Variants in FAM234A observed in about 807,000 individuals in gnomAD.
The protein encoded by FAM234A is family with sequence similarity 234 member A, also known as protein FAM234A.
In FAM234A, 42 loss-of-function variants were observed where a neutral mutation model predicts 49.1. The observed-to-expected ratio is 0.86, with a 90% confidence interval of 0.67 to 1.11. The LOEUF is 1.11. Ranked by LOEUF, FAM234A falls within the 50% of genes least tolerant of loss-of-function variation. FAM234A has a pLI of 0.00. For missense variants in FAM234A, 815 were observed against 745.2 expected (o/e 1.09, Z -1.09); for synonymous variants, 369 against 316.2 (o/e 1.17, Z -1.77).
intron 1 of FAM234A, among the ~76,000 whole-genome samples, chr16:249,078 T>A (rs1442250497): frequency 6.6e-6 from 1 of 152,018 alleles, no homozygotes; most frequent in Non-Finnish European, 1.5e-5. Context: ...GAGGTCTGCA[T>A]TTGGATTGAC....
chr16:235,595 G>T (rs2050372198), intron 1 of FAM234A, among the ~76,000 whole-genome samples: 1 of 152,198 alleles, frequency 6.6e-6, no homozygotes. Flanking sequence ...GATTCCAGCT[G>T]AGGAGGCTGT....
At chr16:244,146 C>T (rs1026096897) in intron 1 of FAM234A, among the ~76,000 whole-genome samples, 29 of 151,880 alleles carry the variant, frequency 1.9e-4, no homozygotes, top group African/African-American at 4.8e-4. Flanking sequence ...TTTTTTCTAT[C>T]TTTAGTAGAG....
downstream of FAM234A, chr16:269,540 G>C (rs748491669): frequency 3.1e-6 from 5 of 1,613,446 alleles, no homozygotes; most frequent in Admixed American, 8.3e-5. Flanking sequence ...GCCTCTGCCA[G>C]GAGGGCCTTG....
At chr16:264,473 A>C in intron 11 of FAM234A, 141 bp from the exon 12 acceptor site, 1 of 723,466 alleles carries the variant, frequency 1.4e-6, no homozygotes, top group South Asian at 1.8e-5. Context: ...GGAGGTGGCC[A>C]CAGAACTGGG....
chr16:261,065 T>G, intron 5 of FAM234A: 1 of 281,506 alleles, frequency 3.6e-6, no homozygotes, highest in Non-Finnish European at 7.0e-6. Context: ...GCCCTAGAGG[T>G]TCCAGGACAC....
At chr16:253,859 C>T (rs530411950) in intron 2 of FAM234A, 1 of 157,154 alleles carries the variant, frequency 6.4e-6, no homozygotes, top group East Asian at 1.9e-4. Flanking sequence ...ACAGTTCAGT[C>T]AAAGCACATG....
downstream of FAM234A, among the ~76,000 whole-genome samples, chr16:267,500 C>T (rs1015134106): frequency 6.6e-6 from 1 of 152,154 alleles, no homozygotes; most frequent in African/African-American, 2.4e-5. Context: ...GCAATGTGCA[C>T]CACACATGCA....
In FAM234A at chr16:263,477, G is replaced by T. The variant is rs940584279; in HGVS notation, c.1112+75G>T. Reference sequence around the variant, plus strand: ...TCCCGGGCACATCCCGTTGGCTGGCGAGGAGACAGCGCTGGGGGTGGGGCC... The same window carrying T: ...TCCCGGGCACATCCCGTTGGCTGGCTAGGAGACAGCGCTGGGGGTGGGGCC... On this transcript the variant is annotated intron_variant, in intron 9 of 12. Transcript: ENST00000399932. 4 of 1,571,530 alleles carry T rather than the reference G, an allele frequency of 2.5e-6. No individual in the cohort carries two copies. In the African/African-American group the frequency reaches 5.4e-5, roughly 21 times the overall value.
intron 1 of FAM234A, among the ~76,000 whole-genome samples, chr16:236,095 G>A (rs1210170532): frequency 5.3e-5 from 8 of 152,062 alleles, no homozygotes; most frequent in Admixed American, 3.3e-4. Context: ...TGTGATTACA[G>A]GTGCCCGCCA....
At chr16:268,964 G>C (rs2051793134), downstream of FAM234A, 1 of 1,547,024 alleles carries the variant, frequency 6.5e-7, no homozygotes, top group South Asian at 1.2e-5. Flanking sequence ...GAAGACCAGA[G>C]AAGGTGGAGC....
chr16:267,674 T>G (rs1445224238), downstream of FAM234A, among the ~76,000 whole-genome samples: 1 of 144,542 alleles, frequency 6.9e-6, no homozygotes, highest in Non-Finnish European at 1.5e-5. Flanking sequence ...TGCCTCACAG[T>G]ACACCTGCAC....
At chr16:241,843 T>G (rs1237831868) in intron 1 of FAM234A, among the ~76,000 whole-genome samples, 8 of 146,270 alleles carry the variant, frequency 5.5e-5, no homozygotes, top group African/African-American at 2.0e-4. Flanking sequence ...GAGGCGGAGG[T>G]TGCAGTGAGC....
chr16:254,034 G>A, intron 2 of FAM234A: 1 of 265,984 alleles, frequency 3.8e-6, no homozygotes, highest in Non-Finnish European at 7.3e-6. Flanking sequence ...GCTCAGATAT[G>A]CTCAGAGGCT....
At chr16:257,132 G>A (rs994606173) in intron 3 of FAM234A, among the ~76,000 whole-genome samples, 1 of 151,814 alleles carries the variant, frequency 6.6e-6, no homozygotes, top group Non-Finnish European at 1.5e-5. Context: ...GCCTGCCTTG[G>A]CTTCCCAAAG....
chr16:263,870 C>T lies in FAM234A; in HGVS notation c.1188+95C>T, dbSNP rs2051584596. 5 of 1,393,816 alleles carry T rather than the reference C, an allele frequency of 3.6e-6. No homozygotes were observed. In the African/African-American group the frequency reaches 7.1e-5, roughly 20 times the overall value. 86.3% of individuals were successfully genotyped at this position (1,393,816 alleles called of 1,614,324 possible). A position where few individuals can be genotyped will look rare whatever the true frequency, so the allele number is the denominator to read the frequency against. ...GGGGCTGCGGCCCAGGAGGCTGCTG[C>T]CGTCAGAGCTGCTGAGAAGGTTCTG... is the stretch of plus-strand genomic sequence containing the variant. On this transcript the variant is annotated intron_variant, in intron 10 of 12. Coordinates refer to ENST00000399932, the MANE Select transcript of FAM234A (RefSeq NM_032039.4).
intron 1 of FAM234A, among the ~76,000 whole-genome samples, chr16:239,610 G>A (rs149950791): frequency 1.6e-3 from 194 of 124,326 alleles, no homozygotes; most frequent in African/African-American, 6.7e-3. Flanking sequence ...GCTAGGCCCC[G>A]TCTCAAAAAA....
chr16:237,344 C>G (rs533691611), intron 1 of FAM234A, among the ~76,000 whole-genome samples: 1 of 152,252 alleles, frequency 6.6e-6, no homozygotes, highest in Non-Finnish European at 1.5e-5. Flanking sequence ...AGGAATTGAT[C>G]AGTGGCTTAT....
rs1318509052 is a variant in FAM234A, at chr16:263,764, A to C, written c.1177A>C (p.Thr393Pro). 1 of 1,613,276 alleles carries C rather than the reference A, an allele frequency of 6.2e-7. No individual in the cohort carries two copies. Among genetic ancestry groups the C allele is most frequent in the Non-Finnish European group, 8.5e-7 (1 of 1,179,232 alleles). ...TGTAGCCGTTGAAAACGGAACTGGCACCGACAGACAGGTTCGTTGTTCTTC... is the reference window on the plus strand; with the variant it reads ...TGTAGCCGTTGAAAACGGAACTGGCCCCGACAGACAGGTTCGTTGTTCTTC... ...LAVAVENGTG[T>P]DRQILFLDLG... Residue 393 changes from threonine to proline, a missense_variant, in exon 10 of 13, where the codon ACC (threonine) becomes CCC (proline). Physicochemically the swap from Thr to Pro is conservative, Grantham distance 38. Transcript: ENST00000399932.
At chr16:261,637 GC>G in intron 6 of FAM234A, 123 bp downstream of exon 6, 1 of 1,196,232 alleles carries the variant, frequency 8.4e-7, no homozygotes, top group Non-Finnish European at 1.2e-6. Flanking sequence ...CCGGGGACTC[GC>G]CCAGAGCCCC....
Sources: gnomAD v4.1 joint callset for allele counts (sites outside exome capture counted in the v4.1 genomes callset) on GRCh38, gnomAD v4.1.1 for gene constraint, MANE v1.5 for transcripts, NCBI Gene and HGNC (gene_info 2026-07-23, HGNC 2026-07-21) for gene names.